Variants in RBAK observed in about 807,000 individuals in gnomAD.
The protein encoded by RBAK is RB associated KRAB zinc finger.
In RBAK, 39 loss-of-function variants were observed where a neutral mutation model predicts 65.8. That is an observed-to-expected ratio of 0.59 (90% CI 0.46 to 0.77). The LOEUF is 0.77. Ranked by LOEUF, RBAK falls within the 30% of genes least tolerant of loss-of-function variation. The probability of loss-of-function intolerance (pLI) is 0.00; values close to 1 mark genes in which losing one functional copy is unlikely to be tolerated. For missense variants in RBAK, 884 were observed against 855.1 expected (o/e 1.03, Z -0.42); for synonymous variants, 343 against 289.7 (o/e 1.18, Z -1.87).
chr7:5,055,246 ATGTGTGTG>A (rs71535173), intron 2 of RBAK, among the ~76,000 whole-genome samples: 6,786 of 146,962 alleles, frequency 0.046, 526 homozygotes, highest in African/African-American at 0.16. Context: ...TGAGGCATAA[ATGTGTGTG>A]TGTGTGTGTG....
Position 5,064,087 on chromosome 7 carries a change from A to T in RBAK, c.631A>T (p.Met211Leu), listed in dbSNP as rs761457025. 26 of 1,613,866 alleles carry T rather than the reference A, an allele frequency of 1.6e-5. No individual in the cohort carries two copies. In the African/African-American group the frequency reaches 2.9e-4, roughly 18 times the overall value. The change falls in exon 5 of 5, where the codon ATG becomes TTG. Residue 211 changes from methionine (M) to leucine (L), a missense_variant. By Grantham distance (15) the Met-to-Leu change is conservative (BLOSUM62 2). Coordinates refer to ENST00000396912, the MANE Select transcript of RBAK (RefSeq NM_021163.4). This position sits in a 1 kb window ranked among gnomAD's most constrained non-coding sequence, Gnocchi z 6.3. ...LEKPFEYNECMEALDNEAVFI... is the reference protein window; with the variant it reads ...LEKPFEYNECLEALDNEAVFI... ...GAAACCCTTTGAATATAATGAATGCATGGAAGCCTTAGACAATGAGGCTGT... is the reference window on the plus strand; with the variant it reads ...GAAACCCTTTGAATATAATGAATGCTTGGAAGCCTTAGACAATGAGGCTGT...
At position 5,068,224 on chromosome 7, in the gene RBAK, A is replaced by T. The variant is rs554232442; in HGVS notation, c.*2623A>T. ...TTTGTCACAACTGCTCATCTTTGCTATTGTGTGAAAGCATCCATACACCAT... is the reference window on the plus strand; with the variant it reads ...TTTGTCACAACTGCTCATCTTTGCTTTTGTGTGAAAGCATCCATACACCAT... On this transcript the variant is annotated 3_prime_UTR_variant, in exon 5 of 5. Transcript: ENST00000396912. The T allele has an allele frequency of 5.9e-5, 9 of 152,214 alleles. No homozygotes were observed. In the East Asian group the frequency reaches 1.5e-3, roughly 26 times the overall value. 9.4% of individuals were successfully genotyped at this position (152,214 alleles called of 1,614,324 possible).
chr7:5,066,132 A>G lies in RBAK; in HGVS notation c.*531A>G, dbSNP rs1466895151. On this transcript the variant is annotated 3_prime_UTR_variant, in exon 5 of 5. Coordinates refer to ENST00000396912, the MANE Select transcript of RBAK (RefSeq NM_021163.4). ...TTTTTTATCATGTCTTAAAAATGCA[A>G]TCTAATGGTAATTCTATGCAAGTTT... is the stretch of plus-strand genomic sequence containing the variant. 3.9e-5 allele frequency: 6 copies of G among 152,662 alleles called. No homozygotes were observed. Among genetic ancestry groups the G allele is most frequent in the African/African-American group, 1.4e-4 (6 of 41,468 alleles). The allele number at this position is 152,662 out of a possible 1,614,324, so 9.5% of individuals were successfully genotyped here.
At chr7:5,056,755 G>C (rs535485661) in intron 2 of RBAK, among the ~76,000 whole-genome samples, 189 of 152,266 alleles carry the variant, frequency 1.2e-3, no homozygotes, top group Admixed American at 2.6e-3. Flanking sequence ...AGAGCCAAAA[G>C]AACAAGGAGC....
chr7:5,061,991 CCT>C (rs1467134418), intron 4 of RBAK, among the ~76,000 whole-genome samples: 1 of 152,026 alleles, frequency 6.6e-6, no homozygotes, highest in East Asian at 1.9e-4. Flanking sequence ...GAATGTGAAT[CCT>C]CTCTGTAAAC....
At chr7:5,050,644 G>C (rs895006231) in intron 2 of RBAK, among the ~76,000 whole-genome samples, 3 of 151,884 alleles carry the variant, frequency 2.0e-5, no homozygotes, top group African/African-American at 7.3e-5. Context: ...TCGTGTTTAC[G>C]GCTCACTGCA....
rs143139590 is a variant in RBAK, at chr7:5,067,061, A to G, written c.*1460A>G. The G allele has an allele frequency of 2.0e-5, 3 of 152,326 alleles. No homozygotes were observed. The East Asian group carries it at 5.8e-4, about 29-fold the overall frequency. The allele number at this position is 152,326 out of a possible 1,614,324, so 9.4% of individuals were successfully genotyped here. ...TTGAAAGGGACTTACTTAACTGCAT[A>G]AAGAGACTTAAACTACAACAAACAA... On this transcript the variant is annotated 3_prime_UTR_variant, in exon 5 of 5. Coordinates refer to ENST00000396912, the MANE Select transcript of RBAK (RefSeq NM_021163.4).
At position 5,066,560 on chromosome 7, in the gene RBAK, T is replaced by A. The variant is rs1388220085; in HGVS notation, c.*959T>A. The A allele has an allele frequency of 6.6e-6, 1 of 152,196 alleles. No homozygotes were observed. The highest frequency in any genetic ancestry group is 6.5e-5 in the Admixed American group (1 of 15,280). The allele number at this position is 152,196 out of a possible 1,614,324, so 9.4% of individuals were successfully genotyped here. A position where few individuals can be genotyped will look rare whatever the true frequency, so the allele number is the denominator to read the frequency against. On this transcript the variant is annotated 3_prime_UTR_variant, in exon 5 of 5. Coordinates refer to ENST00000396912, the MANE Select transcript of RBAK (RefSeq NM_021163.4). ...GTGCCTAGTGCCAATATTTTGTAAT[T>A]TAGAAATTTTATTCACAAACTTCTG... is the stretch of plus-strand genomic sequence containing the variant.
chr7:5,050,493 A>T (rs1327797505), intron 2 of RBAK, among the ~76,000 whole-genome samples: 1 of 152,160 alleles, frequency 6.6e-6, no homozygotes, highest in Non-Finnish European at 1.5e-5. Flanking sequence ...ACTGTTGATT[A>T]TTGCTGTGAT....
At chr7:5,051,543 A>G (rs1181116848) in intron 2 of RBAK, among the ~76,000 whole-genome samples, 2 of 152,164 alleles carry the variant, frequency 1.3e-5, no homozygotes, top group Non-Finnish European at 2.9e-5. Flanking sequence ...AGTTTTGCCA[A>G]TTTCCCAATA....
Position 5,046,286 on chromosome 7 carries a change from C to G in RBAK, c.-155C>G, listed in dbSNP as rs1462315957. The stretch of plus-strand genomic sequence containing the variant: ...CCCGGGCCCCTCGGGAGCAGAACAA[C>G]CTTAGTGAGGTGGACAGGAGGGGAC... On this transcript the variant is annotated 5_prime_UTR_variant, in exon 1 of 5. Transcript: ENST00000396912. 7.7e-6 allele frequency: 4 copies of G among 516,588 alleles called. No homozygotes were observed. The highest frequency in any genetic ancestry group is 5.6e-5 in the South Asian group (4 of 71,450). The allele number at this position is 516,588 out of a possible 1,614,324, so 32.0% of individuals were successfully genotyped here.
intron 2 of RBAK, among the ~76,000 whole-genome samples, chr7:5,049,726 CT>C (rs1176755775): frequency 2.0e-5 from 3 of 151,872 alleles, no homozygotes; most frequent in Non-Finnish European, 4.4e-5. Flanking sequence ...TGTTCTGTTT[CT>C]TTTTTTCTTT....
chr7:5,065,059 G>C lies in RBAK; in HGVS notation c.1603G>C (p.Gly535Arg). 2.5e-6 allele frequency: 4 copies of C among 1,613,868 alleles called. No homozygotes were observed. The highest frequency in any genetic ancestry group is 2.5e-6 in the Non-Finnish European group (3 of 1,179,916). ...CGATGGGCACCAGCCACTTCCAAAA[G>C]GGGAGAAATCCTATGAATGTAATGT... ...AFDGHQPLPK[G>R]EKSYECNVCG... Residue 535 changes from glycine to arginine, a missense_variant, in exon 5 of 5, where the codon GGG becomes CGG. Gly to Arg is a moderately radical substitution (Grantham distance 125). Coordinates refer to ENST00000396912, the MANE Select transcript of RBAK (RefSeq NM_021163.4). This position sits in a 1 kb window ranked among gnomAD's most constrained non-coding sequence, Gnocchi z 5.3.
Position 5,065,675 on chromosome 7 carries a change from T to A in RBAK, c.*74T>A. ...GAATCCAATAGGAAGTCAAAGCGTT[T>A]ATCTGAGAGTTCGTGTTCCTGAACG... On this transcript the variant is annotated 3_prime_UTR_variant, in exon 5 of 5. Coordinates refer to ENST00000396912, the MANE Select transcript of RBAK (RefSeq NM_021163.4). The surrounding 1 kb of genome is among the most constrained non-coding windows in gnomAD (Gnocchi z 5.3). 1 of 1,134,506 alleles carries A rather than the reference T, an allele frequency of 8.8e-7. No individual in the cohort carries two copies. Among genetic ancestry groups the A allele is most frequent in the South Asian group, 2.0e-5 (1 of 49,596 alleles). 70.3% of individuals were successfully genotyped at this position (1,134,506 alleles called of 1,614,324 possible).
At chr7:5,054,875 A>G (rs989616173) in intron 2 of RBAK, among the ~76,000 whole-genome samples, 4 of 152,140 alleles carry the variant, frequency 2.6e-5, no homozygotes, top group African/African-American at 9.7e-5. Flanking sequence ...GCATATTTAT[A>G]AAGTAATTTA....
Position 5,063,945 on chromosome 7 carries a change from T to C in RBAK, c.489T>C (p.Asp163=). 4 of 1,614,020 alleles carry C rather than the reference T, an allele frequency of 2.5e-6. No individual in the cohort carries two copies. Among genetic ancestry groups the C allele is most frequent in the Non-Finnish European group, 3.4e-6 (4 of 1,179,956 alleles). The change falls in exon 5 of 5, where the codon GAT becomes GAC. Residue 163 remains aspartate (D), a synonymous_variant. Coordinates refer to ENST00000396912, the MANE Select transcript of RBAK (RefSeq NM_021163.4). ...SDGSYARTKP[D]ECNECGKTYH... ...GAAGCTATGCTAGGACAAAACCTGA[T>C]GAGTGTAATGAATGTGGGAAAACAT...
intron 4 of RBAK, among the ~76,000 whole-genome samples, chr7:5,059,192 C>T (rs1387171894): frequency 1.3e-5 from 2 of 152,192 alleles, no homozygotes; most frequent in African/African-American, 4.8e-5. Flanking sequence ...TTCTCCCATA[C>T]CTGGATTTCA....
rs73673279 is a variant in RBAK at position 5,060,049 on chromosome 7, T to A, written c.238+2270T>A. On this transcript the variant is annotated intron_variant, in intron 4 of 4. Coordinates refer to ENST00000396912, the MANE Select transcript of RBAK (RefSeq NM_021163.4). ...TCTGATAGGAGTATATGCTCTGTGATTCTATGCTTTGATAGGAATATATAC... is the reference window on the plus strand; with the variant it reads ...TCTGATAGGAGTATATGCTCTGTGAATCTATGCTTTGATAGGAATATATAC... Among the ~76,000 whole-genome samples the A allele has an allele frequency of 6.4e-3, 973 of 152,308 alleles. 14 individuals are homozygous for A. Among genetic ancestry groups the A allele is most frequent in the African/African-American group, 0.022 (927 of 41,568 alleles).
intron 1 of RBAK, among the ~76,000 whole-genome samples, chr7:5,046,611 C>G (rs1294991075): frequency 6.6e-6 from 1 of 152,188 alleles, no homozygotes; most frequent in African/African-American, 2.4e-5. Flanking sequence ...TGTCACCAGC[C>G]TCAGCTGCGG....
Sources: allele counts gnomAD v4.1 joint callset (sites outside exome capture counted in the v4.1 genomes callset), GRCh38; gene constraint gnomAD v4.1.1; non-coding constraint Gnocchi (gnomAD v3.1); transcripts MANE v1.5; gene names NCBI Gene and HGNC (gene_info 2026-07-23, HGNC 2026-07-21).